Variants in LNX1 observed in about 807,000 individuals in gnomAD.
The protein encoded by LNX1 is E3 ubiquitin-protein ligase LNX.
A neutral mutation model predicts 68.4 loss-of-function variants in LNX1; 54 were observed. The observed-to-expected ratio is 0.79, with a 90% CI of 0.63 to 0.99. The LOEUF is 0.99. LNX1 is among the 50% of genes least tolerant of loss of function. The pLI is 0.00. For missense variants in LNX1, 906 were observed against 926.4 expected, an observed-to-expected ratio of 0.98 and a Z score of 0.29; for synonymous variants, 336 against 350.0, an observed-to-expected ratio of 0.96 and a Z score of 0.45.
intron 2 of LNX1, among the ~76,000 whole-genome samples, chr4:53,526,394 A>G (rs1032071721): frequency 6.6e-6 from 1 of 152,190 alleles, no homozygotes; most frequent in Non-Finnish European, 1.5e-5. Flanking sequence ...TCAAACCACC[A>G]AACCCTGGCA....
At chr4:53,645,705 C>A (rs188442629) in intron 1 of LNX1, among the ~76,000 whole-genome samples, 12 of 152,298 alleles carry the variant, frequency 7.9e-5, no homozygotes, top group African/African-American at 2.4e-4. Flanking sequence ...ACTGCATTAT[C>A]TTGGCCTCTC....
chr4:53,546,488 CAT>C (rs1022195294), intron 2 of LNX1, among the ~76,000 whole-genome samples: 1 of 152,186 alleles, frequency 6.6e-6, no homozygotes, highest in African/African-American at 2.4e-5. Flanking sequence ...CCTCAGGACA[CAT>C]ATCATAAAAC....
chr4:53,627,486 T>C (rs1734121054), intron 1 of LNX1, among the ~76,000 whole-genome samples: 1 of 152,236 alleles, frequency 6.6e-6, no homozygotes, highest in African/African-American at 2.4e-5. Flanking sequence ...CTACTAATGG[T>C]GAGCTCTTAT....
chr4:53,573,439 C>G (rs1341285150), intron 2 of LNX1, among the ~76,000 whole-genome samples, 184 bp downstream of exon 2: 1 of 152,210 alleles, frequency 6.6e-6, no homozygotes, highest in Non-Finnish European at 1.5e-5. Flanking sequence ...TAAACACATA[C>G]ATACAACACA....
intron 2 of LNX1, among the ~76,000 whole-genome samples, chr4:53,513,430 T>C (rs1726516360): frequency 6.6e-6 from 1 of 152,138 alleles, no homozygotes; most frequent in East Asian, 1.9e-4. Context: ...CCATGCTTTC[T>C]CCCCTTATAT....
At chr4:53,531,716 G>A (rs1428146453) in intron 2 of LNX1, among the ~76,000 whole-genome samples, 1 of 152,172 alleles carries the variant, frequency 6.6e-6, no homozygotes, top group Non-Finnish European at 1.5e-5. Flanking sequence ...CCCCACATTT[G>A]TAATATGTTT....
chr4:53,570,754 G>A (rs1289051118), intron 2 of LNX1, among the ~76,000 whole-genome samples: 5 of 151,554 alleles, frequency 3.3e-5, no homozygotes, highest in South Asian at 2.1e-4. Context: ...TTGGCTGGGC[G>A]TGGTGGCTCA....
chr4:53,472,700 CA>C (rs1217664886), intron 9 of LNX1, among the ~76,000 whole-genome samples: 16 of 109,626 alleles, frequency 1.5e-4, no homozygotes, highest in Admixed American at 1.4e-3. Context: ...AAAAAAAAAA[CA>C]AAAAACAATG....
chr4:53,564,819 T>C lies in LNX1; in HGVS notation c.380+8804A>G, dbSNP rs975411418. 3.3e-5 allele frequency among the ~76,000 whole-genome samples: 5 copies of C among 152,158 alleles called. No individual in the cohort carries two copies. In the East Asian group the frequency reaches 7.7e-4, roughly 23 times the overall value. Reference sequence around the variant, plus strand: ...GCGCCAGCCGAAGCAGGGCGAGGCATTGCCTCACTTGGGAAGCGCAAGGAG... The same window carrying C: ...GCGCCAGCCGAAGCAGGGCGAGGCACTGCCTCACTTGGGAAGCGCAAGGAG... On this transcript the variant is annotated intron_variant, in intron 2 of 10. Coordinates refer to ENST00000263925, the MANE Select transcript of LNX1 (RefSeq NM_001126328.3).
intron 1 of LNX1, among the ~76,000 whole-genome samples, chr4:53,637,934 T>C (rs1240218979): frequency 6.6e-6 from 1 of 152,188 alleles, no homozygotes; most frequent in East Asian, 1.9e-4. Context: ...GAAGTTGATC[T>C]TGGAAGCAAG....
At chr4:53,551,398 T>C (rs1300819466) in intron 2 of LNX1, among the ~76,000 whole-genome samples, 1 of 152,128 alleles carries the variant, frequency 6.6e-6, no homozygotes, top group Non-Finnish European at 1.5e-5. Context: ...AGAAAACACC[T>C]GAAACTGGTG....
chr4:53,590,643 A>C (rs1219528208), intron 1 of LNX1, among the ~76,000 whole-genome samples: 2 of 152,208 alleles, frequency 1.3e-5, no homozygotes, highest in South Asian at 4.1e-4. Context: ...AGACAGAAAA[A>C]GCCAAAGAGG....
At chr4:53,593,022 C>T (rs1048711643), upstream of LNX1, 3 of 152,194 alleles carry the variant, frequency 2.0e-5, no homozygotes, top group African/African-American at 7.2e-5. Flanking sequence ...CTTAAAACAA[C>T]AACAACCACC....
chr4:53,479,530 G>T (rs1723782483), intron 7 of LNX1, among the ~76,000 whole-genome samples: 1 of 152,130 alleles, frequency 6.6e-6, no homozygotes, highest in South Asian at 2.1e-4. Flanking sequence ...CCAGAAAAGC[G>T]ACCAATGTCA....
At chr4:53,587,313 GT>G (rs1253082697) in intron 1 of LNX1, among the ~76,000 whole-genome samples, 3 of 152,072 alleles carry the variant, frequency 2.0e-5, no homozygotes, top group Non-Finnish European at 4.4e-5. Context: ...ACATTTTATG[GT>G]TTTTTTATGG....
In LNX1 at chr4:53,476,737, TTG is replaced by T. The variant is rs1723586362; in HGVS notation, c.1892+14_1892+15del. On this transcript the variant is annotated intron_variant, in intron 9 of 10. Coordinates refer to ENST00000263925, the MANE Select transcript of LNX1 (RefSeq NM_001126328.3). ...TTTCTCCCACGCCCCTACAGGGATG[TTG>T]TGTTTGGACTTACCGTGGTAATTCC... 3.1e-6 allele frequency: 5 copies of T among 1,605,320 alleles called. No homozygotes were observed. Among genetic ancestry groups the T allele is most frequent in the African/African-American group, 1.3e-5 (1 of 74,748 alleles).
chr4:53,575,641 G>T (rs988248696), intron 1 of LNX1: 171 of 1,339,442 alleles, frequency 1.3e-4, no homozygotes, highest in Non-Finnish European at 1.5e-4. Flanking sequence ...CATTGGCTGG[G>T]GATCACTGGC....
intron 2 of LNX1, among the ~76,000 whole-genome samples, chr4:53,596,941 C>T (rs573342932): frequency 6.6e-6 from 1 of 152,260 alleles, no homozygotes; most frequent in African/African-American, 2.4e-5. Context: ...TCGGATTTTT[C>T]ATTCCCTTCC....
At chr4:53,539,685 C>T (rs1478809660) in intron 2 of LNX1, among the ~76,000 whole-genome samples, 3 of 152,178 alleles carry the variant, frequency 2.0e-5, no homozygotes, top group Non-Finnish European at 4.4e-5. Flanking sequence ...TTGTTTAATG[C>T]CTGCTCTGAT....
Sources: gnomAD v4.1 joint callset for allele counts (sites outside exome capture counted in the v4.1 genomes callset) on GRCh38, gnomAD v4.1.1 for gene constraint, MANE v1.5 for transcripts, NCBI Gene and HGNC (gene_info 2026-07-23, HGNC 2026-07-21) for gene names.